The following NRG3 variants were observed in gnomAD, a reference collection of about 807,000 sequenced individuals.
The protein encoded by NRG3 is neuregulin 3, also known as pro-neuregulin-3, membrane-bound isoform.
A neutral mutation model predicts 66.9 loss-of-function variants in NRG3; 31 were observed. The observed-to-expected ratio is 0.46, with a 90% CI of 0.35 to 0.63. The LOEUF is 0.63. Among genes scored for constraint, NRG3 ranks in the 20% least tolerant of loss-of-function variants. The pLI is 0.00. For missense variants in NRG3, 910 were observed against 878.9 expected, an observed-to-expected ratio of 1.04 and a Z score of -0.45; for synonymous variants, 393 against 359.4, an observed-to-expected ratio of 1.09 and a Z score of -1.06.
At chr10:82,527,946 G>C (rs1846879990) in intron 2 of NRG3, among the ~76,000 whole-genome samples, 1 of 150,686 alleles carries the variant, frequency 6.6e-6, no homozygotes, top group Non-Finnish European at 1.5e-5. Context: ...TGTAGTGAGG[G>C]CTGGGGGTGG....
At chr10:82,156,602 G>T (rs1385260300) in intron 1 of NRG3, among the ~76,000 whole-genome samples, 1 of 151,428 alleles carries the variant, frequency 6.6e-6, no homozygotes, top group East Asian at 1.9e-4. Context: ...AAGGATGTCT[G>T]TAAAAAAAAG....
At chr10:82,362,079 CAAAAAAAAAAAAA>C (rs58975630) in intron 2 of NRG3, among the ~76,000 whole-genome samples, 22 of 13,932 alleles carry the variant, frequency 1.6e-3, no homozygotes, top group South Asian at 5.5e-3. Context: ...AAAGTACATG[CAAAAAAAAAAAAA>C]AAAAAAAAAA....
chr10:82,765,198 A>C (rs2135114046), intron 3 of NRG3, among the ~76,000 whole-genome samples: 1 of 152,272 alleles, frequency 6.6e-6, no homozygotes, highest in Non-Finnish European at 1.5e-5. Flanking sequence ...ACTAAGTAAG[A>C]AAATAATGCA....
intron 1 of NRG3, among the ~76,000 whole-genome samples, chr10:81,971,162 C>T (rs546344656): frequency 1.3e-5 from 2 of 152,284 alleles, no homozygotes; most frequent in South Asian, 2.1e-4. Flanking sequence ...AAGAACACAA[C>T]ATTAAGTATT....
chr10:82,440,065 G>C (rs990604351), intron 2 of NRG3, among the ~76,000 whole-genome samples: 63 of 151,980 alleles, frequency 4.1e-4, no homozygotes, highest in Non-Finnish European at 7.7e-4. Context: ...TATCTGGAAA[G>C]CCATGTGGGC....
rs546437669 is a variant in NRG3, at chr10:82,364,221, C to T, written c.953+5353C>T. ...ATTATTGAGCTGATAAGAGAACTTTCAATTAAGTGCTTCCAGATTAAGCAC... is the reference window on the plus strand; with the variant it reads ...ATTATTGAGCTGATAAGAGAACTTTTAATTAAGTGCTTCCAGATTAAGCAC... On this transcript the variant is annotated intron_variant, in intron 2 of 8. Transcript: ENST00000372141. Among the ~76,000 whole-genome samples the T allele has an allele frequency of 4.6e-5, 7 of 152,272 alleles. No individual in the cohort carries two copies. The East Asian group carries it at 1.4e-3, about 29-fold the overall frequency.
At chr10:82,924,636 C>T (rs945484848) in intron 4 of NRG3, among the ~76,000 whole-genome samples, 9 of 151,714 alleles carry the variant, frequency 5.9e-5, no homozygotes, top group African/African-American at 1.5e-4. Flanking sequence ...ATATCCCTTC[C>T]TTCTTCTAGA....
In NRG3 at chr10:81,876,098, C is replaced by T. The variant is rs1401106728; in HGVS notation, c.758C>T (p.Ser253Phe). The change falls in exon 1 of 9, where the codon TCT becomes TTT. Residue 253 changes from serine to phenylalanine, a missense_variant. Transcript: ENST00000372141. Reference sequence around the variant, plus strand: ...TCTCCCTTTCAGGATGCTGCCTCCTCTTCTTCCTCTTCTTCCTCCTCCGCT... The same window carrying T: ...TCTCCCTTTCAGGATGCTGCCTCCTTTTCTTCCTCTTCTTCCTCCTCCGCT... The part of the protein sequence containing the change: ...TLSPFQDAAS[S>F]SSSSSSSATT... The T allele has an allele frequency of 3.1e-6, 5 of 1,611,132 alleles. No individual in the cohort carries two copies. The highest frequency in any genetic ancestry group is 2.2e-5 in the East Asian group (1 of 44,750).
chr10:82,314,946 C>G (rs1469803456), intron 1 of NRG3, among the ~76,000 whole-genome samples: 1 of 152,138 alleles, frequency 6.6e-6, no homozygotes, highest in African/African-American at 2.4e-5. Flanking sequence ...CTCTCTAGGA[C>G]CTCATTTTTT....
At chr10:82,246,829 C>T (rs1261113885) in intron 1 of NRG3, among the ~76,000 whole-genome samples, 2 of 152,094 alleles carry the variant, frequency 1.3e-5, no homozygotes, top group Admixed American at 6.6e-5. Flanking sequence ...GCTGGCCCAC[C>T]TGCTATGTGA....
intron 4 of NRG3, among the ~76,000 whole-genome samples, chr10:82,895,108 G>C (rs149746519): frequency 2.6e-5 from 4 of 152,168 alleles, no homozygotes; most frequent in Admixed American, 2.6e-4. Flanking sequence ...ATTCCACGGT[G>C]TATATGTGCC....
intron 1 of NRG3, among the ~76,000 whole-genome samples, chr10:81,927,721 C>T (rs1388057747): frequency 6.6e-6 from 1 of 152,068 alleles, no homozygotes; most frequent in Non-Finnish European, 1.5e-5. Context: ...AAACCAAAAA[C>T]AAAATTCTAA....
intron 1 of NRG3, among the ~76,000 whole-genome samples, chr10:82,103,608 G>T (rs1396967069): frequency 6.6e-6 from 1 of 151,924 alleles, no homozygotes; most frequent in Non-Finnish European, 1.5e-5. Context: ...TGCTTCTTTG[G>T]GTCTATTACA....
At chr10:82,241,142 A>G (rs1424741557) in intron 1 of NRG3, among the ~76,000 whole-genome samples, 1 of 152,116 alleles carries the variant, frequency 6.6e-6, no homozygotes, top group African/African-American at 2.4e-5. Context: ...AGGTGTGAGG[A>G]CAAAAACTTG....
At chr10:81,885,373 G>A (rs1276339453) in intron 1 of NRG3, among the ~76,000 whole-genome samples, 1 of 152,156 alleles carries the variant, frequency 6.6e-6, no homozygotes, top group African/African-American at 2.4e-5. Context: ...ATGGGAGTTG[G>A]AGCTGCATGC....
intron 1 of NRG3, among the ~76,000 whole-genome samples, chr10:81,979,545 T>C (rs2060257295): frequency 6.6e-6 from 1 of 152,210 alleles, no homozygotes; most frequent in African/African-American, 2.4e-5. Context: ...TCCCACTTAA[T>C]TTCCTTTTGT....
At chr10:82,951,664 A>G in intron 5 of NRG3, 93 bp downstream of exon 5, 1 of 1,064,704 alleles carries the variant, frequency 9.4e-7, no homozygotes, top group Non-Finnish European at 1.4e-6. Flanking sequence ...ACACAGAGGG[A>G]ACCTGTGGAA....
At chr10:82,878,126 G>A (rs750787832) in intron 4 of NRG3, among the ~76,000 whole-genome samples, 2 of 152,150 alleles carry the variant, frequency 1.3e-5, no homozygotes, top group Non-Finnish European at 2.9e-5. Context: ...AGTAGCTGGA[G>A]AAAGGAAATA....
intron 1 of NRG3, among the ~76,000 whole-genome samples, chr10:82,155,486 C>A (rs1020595060): frequency 4.0e-5 from 6 of 151,762 alleles, no homozygotes; most frequent in African/African-American, 1.4e-4. Flanking sequence ...TAAGGAAACA[C>A]CATAAGCACT....
Sources: gnomAD v4.1 joint callset for allele counts (sites outside exome capture counted in the v4.1 genomes callset) on GRCh38, gnomAD v4.1.1 for gene constraint, MANE v1.5 for transcripts, NCBI Gene and HGNC (gene_info 2026-07-23, HGNC 2026-07-21) for gene names.